Variants in ZNF66 observed in about 807,000 individuals in gnomAD.
ZNF66 encodes putative zinc finger protein 66.
Under a neutral mutation model 35.2 loss-of-function variants are expected in ZNF66, and 32 were observed. That is an observed-to-expected ratio of 0.91 (90% CI 0.69 to 1.22). The LOEUF is 1.22. ZNF66 is among the 50% of genes most tolerant of loss of function. ZNF66 has a pLI of 0.00. For missense variants in ZNF66, 666 were observed against 543.1 expected, an observed-to-expected ratio of 1.23 and a Z score of -2.25; for synonymous variants, 231 against 181.3, an observed-to-expected ratio of 1.27 and a Z score of -2.20.
intron 1 of ZNF66, among the ~76,000 whole-genome samples, chr19:20,791,335 A>G (rs1451998704): frequency 2.6e-5 from 4 of 152,080 alleles, no homozygotes; most frequent in South Asian, 2.1e-4. Context: ...AAATATAACA[A>G]TTAGCCTGGC....
chr19:20,786,062 CCA>C (rs1240440319), intron 1 of ZNF66, among the ~76,000 whole-genome samples: 2 of 152,094 alleles, frequency 1.3e-5, no homozygotes, highest in Non-Finnish European at 2.9e-5. Flanking sequence ...GTCACTACTC[CCA>C]GCCCAATTTT....
In ZNF66 at chr19:20,806,133, G is replaced by A. The variant is rs746907378; in HGVS notation, c.533G>A (p.Cys178Tyr). The A allele has an allele frequency of 9.2e-6, 10 of 1,091,986 alleles. No individual in the cohort carries two copies. Among genetic ancestry groups the A allele is most frequent in the Middle Eastern group, 2.0e-4 (1 of 4,962 alleles). 67.6% of individuals were successfully genotyped at this position (1,091,986 alleles called of 1,614,324 possible). ...AAAAACCCTTGCAAATTTACAGAAT[G>A]TGGCAAAGCTTTTAACCGGTCCTCA... ...TGKNPCKFTE[C>Y]GKAFNRSSTF... The change falls in exon 4 of 4, where the codon TGT becomes TAT. Residue 178 changes from cysteine to tyrosine, a missense_variant. Cys to Tyr is a radical substitution (Grantham distance 194). Coordinates refer to ENST00000344519, the MANE Select transcript of ZNF66 (RefSeq NM_001355197.2).
intron 1 of ZNF66, among the ~76,000 whole-genome samples, chr19:20,791,586 G>A (rs1971338331): frequency 6.6e-6 from 1 of 151,846 alleles, no homozygotes; most frequent in African/African-American, 2.4e-5. Flanking sequence ...TGCTTTCTAG[G>A]GTGTTAATGA....
At position 20,809,392 on chromosome 19, in the gene ZNF66, G is replaced by A. The variant is rs1971564485; in HGVS notation, c.*2070G>A. 6.6e-6 allele frequency among the ~76,000 whole-genome samples: 1 copy of A among 152,034 alleles called. No homozygotes were observed. The highest frequency in any genetic ancestry group is 2.4e-5 in the African/African-American group (1 of 41,386). ...ACACATAATTGTCAGATTCACCAAA[G>A]TTGAAATGAAGGAAAAAATGTTAAG... is the stretch of plus-strand genomic sequence containing the variant. On this transcript the variant is annotated 3_prime_UTR_variant, in exon 4 of 4. Transcript: ENST00000344519.
At chr19:20,804,870 C>A (rs541688832) in intron 3 of ZNF66, among the ~76,000 whole-genome samples, 5 of 152,100 alleles carry the variant, frequency 3.3e-5, no homozygotes, top group Admixed American at 3.3e-4. Context: ...TCAGTAATCA[C>A]TTGCTAGACT....
intron 1 of ZNF66, among the ~76,000 whole-genome samples, chr19:20,791,728 A>G (rs1984940): frequency 0.13 from 19,934 of 152,102 alleles, 1,541 homozygotes; most frequent in African/African-American, 0.2. Context: ...GAATATTTCA[A>G]TAGTGATGCT....
At position 20,792,595 on chromosome 19, in the gene ZNF66, T is replaced by C. The variant is rs1555782626; in HGVS notation, c.87T>C (p.Tyr29=). ...HCLDMAQRNL[Y]RDVMLENYRN... is the part of the protein sequence containing the mutation. ...TGGACATGGCACAGCGGAATTTATA[T>C]AGGGATGTGATGTTAGAGAACTACA... Residue 29 remains tyrosine, a synonymous_variant, in exon 2 of 4, where the codon TAT becomes TAC. Transcript: ENST00000344519. The C allele has an allele frequency of 2.0e-6, 3 of 1,495,874 alleles. No homozygotes were observed. Among genetic ancestry groups the C allele is most frequent in the Middle Eastern group, 1.7e-4 (1 of 5,826 alleles). The allele number at this position is 1,495,874 out of a possible 1,614,324, so 92.7% of individuals were successfully genotyped here.
At chr19:20,802,763 A>C (rs376475831) in intron 3 of ZNF66, among the ~76,000 whole-genome samples, 3 of 152,088 alleles carry the variant, frequency 2.0e-5, no homozygotes, top group East Asian at 3.8e-4. Context: ...TTTTATTATT[A>C]CAGAAAATGA....
intron 3 of ZNF66, among the ~76,000 whole-genome samples, chr19:20,796,581 T>C (rs1971394719): frequency 6.6e-6 from 1 of 152,214 alleles, no homozygotes; most frequent in African/African-American, 2.4e-5. Flanking sequence ...GCAAATTGTA[T>C]AATTTTAAAT....
intron 1 of ZNF66, among the ~76,000 whole-genome samples, chr19:20,791,970 CTCTTA>C (rs972133053): frequency 3.3e-5 from 5 of 151,964 alleles, no homozygotes; most frequent in African/African-American, 9.7e-5. Flanking sequence ...AAAATTAAGG[CTCTTA>C]TCTTTGTTTA....
rs541225043 is a variant in ZNF66, at chr19:20,776,347, C to T, written c.-101C>T. ...AGCTCCAGGTCGTCTGTTCACTGCT[C>T]TCTGTCTTCTTCTCCTAGAGGCCCA... On this transcript the variant is annotated 5_prime_UTR_variant, in exon 1 of 4. Coordinates refer to ENST00000344519, the MANE Select transcript of ZNF66 (RefSeq NM_001355197.2). The T allele has an allele frequency of 6.7e-7, 1 of 1,484,976 alleles. No homozygotes were observed. Among genetic ancestry groups the T allele is most frequent in the South Asian group, 1.1e-5 (1 of 88,418 alleles). The allele number at this position is 1,484,976 out of a possible 1,614,324, so 92.0% of individuals were successfully genotyped here.
At chr19:20,794,952 A>G (rs1033292064) in intron 3 of ZNF66, among the ~76,000 whole-genome samples, 19 of 150,214 alleles carry the variant, frequency 1.3e-4, no homozygotes, top group African/African-American at 3.9e-4. Context: ...ACTCACTGCA[A>G]CCTTTGCCTC....
chr19:20,803,179 C>T (rs1229784213), intron 3 of ZNF66, among the ~76,000 whole-genome samples: 1 of 137,062 alleles, frequency 7.3e-6, no homozygotes, highest in African/African-American at 2.7e-5. Context: ...TTTAATAAAC[C>T]TTTTTATTTA....
chr19:20,804,187 A>G (rs1222912265), intron 3 of ZNF66, among the ~76,000 whole-genome samples: 3 of 151,786 alleles, frequency 2.0e-5, no homozygotes, highest in Admixed American at 6.6e-5. Context: ...GATCTTCAGT[A>G]GTTGCCTGTG....
Position 20,805,997 on chromosome 19 carries a change from C to CT in ZNF66, c.399dup (p.Asn134Ter), listed in dbSNP as rs1275847824. Reference sequence around the variant, plus strand: ...AGTGCACAAAAGAGGTTATAATGGACTTAACCAATGTTTGACAACTACCCA... The same window carrying CT: ...AGTGCACAAAAGAGGTTATAATGGACTTTAACCAATGTTTGACAACTACCCA... On this transcript the variant is annotated frameshift_variant, in exon 4 of 4. Transcript: ENST00000344519. LOFTEE classifies it high-confidence loss of function. 2 of 794,548 alleles carry CT rather than the reference C, an allele frequency of 2.5e-6. No homozygotes were observed. The highest frequency in any genetic ancestry group is 3.4e-5 in the African/African-American group (2 of 58,598). The allele number at this position is 794,548 out of a possible 1,614,324, so 49.2% of individuals were successfully genotyped here.
At chr19:20,803,451 A>T (rs958991980) in intron 3 of ZNF66, among the ~76,000 whole-genome samples, 6 of 152,018 alleles carry the variant, frequency 3.9e-5, no homozygotes, top group African/African-American at 1.4e-4. Context: ...ATGTGGTAAA[A>T]AATCAACTTC....
At chr19:20,804,248 T>C (rs761180445) in intron 3 of ZNF66, among the ~76,000 whole-genome samples, 1 of 151,914 alleles carries the variant, frequency 6.6e-6, no homozygotes, top group Non-Finnish European at 1.5e-5. Context: ...TTTATTTATT[T>C]ATTTTATTAT....
At chr19:20,785,075 A>C (rs1329049755) in intron 1 of ZNF66, 1 of 152,242 alleles carries the variant, frequency 6.6e-6, no homozygotes, top group Non-Finnish European at 1.5e-5. Context: ...AGGCTGAAAC[A>C]CTGCTCCCAG....
intron 1 of ZNF66, among the ~76,000 whole-genome samples, chr19:20,778,505 C>T (rs1030042231): frequency 1.3e-5 from 2 of 152,038 alleles, no homozygotes; most frequent in African/African-American, 4.8e-5. Flanking sequence ...GCATCTTAGC[C>T]AGGTGCAGTG....
Sources: allele counts gnomAD v4.1 joint callset (sites outside exome capture counted in the v4.1 genomes callset), GRCh38; gene constraint gnomAD v4.1.1; transcripts MANE v1.5; gene names NCBI Gene and HGNC (gene_info 2026-07-23, HGNC 2026-07-21).